FRMPD4: variants seen among roughly 807,000 people sequenced by gnomAD.
FRMPD4 encodes FERM and PDZ domain containing 4.
A neutral mutation model predicts 94.1 loss-of-function variants in FRMPD4; 22 were observed. That is an observed-to-expected ratio of 0.23 (90% confidence interval 0.17 to 0.33). The LOEUF (loss-of-function observed/expected upper bound fraction) is 0.33. Among genes scored for constraint, FRMPD4 ranks in the 10% least tolerant of loss-of-function variants. The pLI, the probability that FRMPD4 is intolerant of heterozygous loss-of-function variation, is 1.00. For missense variants in FRMPD4, 1,111 were observed against 1,339.9 expected (o/e 0.83, Z 2.67); for synonymous variants, 631 against 548.6 (o/e 1.15, Z -2.10).
upstream of FRMPD4, among the ~76,000 whole-genome samples, chrX:12,134,441 G>A (rs857350): frequency 0.11 from 11,935 of 111,605 alleles, 583 homozygotes; most frequent in African/African-American, 0.18. Flanking sequence ...TGGATACCTT[G>A]CTGTTATTTA....
At chrX:12,379,219 G>A (rs2056285247) in intron 1 of FRMPD4, among the ~76,000 whole-genome samples, 1 of 112,191 alleles carries the variant, frequency 8.9e-6, no homozygotes, top group African/African-American at 3.2e-5. Context: ...TTTAAATCAA[G>A]ACTCTCTGAA....
At chrX:12,562,332 C>G (rs1234988355) in intron 2 of FRMPD4, among the ~76,000 whole-genome samples, 1 of 112,373 alleles carries the variant, frequency 8.9e-6, no homozygotes, top group Non-Finnish European at 1.9e-5. Context: ...TATAGTCAGC[C>G]TTTGTGAATA....
At chrX:12,529,804 G>A (rs191431876) in intron 2 of FRMPD4, among the ~76,000 whole-genome samples, 2 of 109,419 alleles carry the variant, frequency 1.8e-5, no homozygotes, top group East Asian at 5.7e-4. Context: ...GTCTATTCAG[G>A]AGGCTGGGAA....
At chrX:11,960,788 A>G (rs1273789292) in intron 3 of FRMPD4, among the ~76,000 whole-genome samples, 2 of 112,087 alleles carry the variant, frequency 1.8e-5, no homozygotes, top group Non-Finnish European at 3.8e-5. Context: ...GGTTCTATTC[A>G]TTTTTATATC....
intron 1 of FRMPD4, among the ~76,000 whole-genome samples, chrX:12,482,590 G>T (rs5935357): frequency 0.12 from 13,804 of 111,233 alleles, 733 homozygotes; most frequent in South Asian, 0.16. Flanking sequence ...ACCTGACTTT[G>T]CCCCAAGGGT....
At chrX:12,117,606 A>G (rs2055420350) in intron 3 of FRMPD4, among the ~76,000 whole-genome samples, 1 of 111,627 alleles carries the variant, frequency 9.0e-6, no homozygotes, top group Admixed American at 9.5e-5. Context: ...CAAATATGAT[A>G]CCAACTGGCT....
At chrX:12,439,877 G>T (rs188952809) in intron 1 of FRMPD4, among the ~76,000 whole-genome samples, 2 of 111,794 alleles carry the variant, frequency 1.8e-5, no homozygotes, top group East Asian at 5.6e-4. Flanking sequence ...TTAGTTTGAT[G>T]ACTTGACCTT....
At chrX:12,157,722 G>A (rs1198741368) in intron 1 of FRMPD4, among the ~76,000 whole-genome samples, 4 of 112,037 alleles carry the variant, frequency 3.6e-5, no homozygotes, top group African/African-American at 6.5e-5. Flanking sequence ...TTCCAAGATG[G>A]TCTCTGTCCT....
chrX:12,063,458 A>C (rs2054898687), intron 3 of FRMPD4, among the ~76,000 whole-genome samples: 1 of 112,915 alleles, frequency 8.9e-6, no homozygotes, highest in African/African-American at 3.2e-5. Context: ...AAATTTATCA[A>C]ATGCTTTTTA....
intron 3 of FRMPD4, among the ~76,000 whole-genome samples, chrX:11,901,121 GT>G (rs2053934993): frequency 8.9e-6 from 1 of 111,802 alleles, no homozygotes; most frequent in African/African-American, 3.3e-5. Flanking sequence ...TATTTCAATA[GT>G]TTTGGGGGTA....
intron 1 of FRMPD4, among the ~76,000 whole-genome samples, chrX:12,437,171 C>A (rs913463019): frequency 1.8e-5 from 2 of 110,933 alleles, no homozygotes; most frequent in Admixed American, 1.9e-4. Context: ...TATTAACAAG[C>A]TTGCTATAAT....
At chrX:12,253,901 A>G (rs2054079513) in intron 1 of FRMPD4, among the ~76,000 whole-genome samples, 1 of 111,763 alleles carries the variant, frequency 8.9e-6, no homozygotes, top group Non-Finnish European at 1.9e-5. Flanking sequence ...CATGAGATGT[A>G]AATAATGTTT....
chrX:11,822,984 C>A (rs1002310373), intron 1 of FRMPD4, among the ~76,000 whole-genome samples: 1 of 111,519 alleles, frequency 9.0e-6, no homozygotes, highest in Non-Finnish European at 1.9e-5. Flanking sequence ...AGACTGGCTA[C>A]GTCCCGACTA....
chrX:12,650,416 A>C (rs777718878), intron 4 of FRMPD4, among the ~76,000 whole-genome samples: 6 of 107,051 alleles, frequency 5.6e-5, no homozygotes, highest in Non-Finnish European at 9.9e-5. Context: ...GTCTATCCAC[A>C]AAGTCTAGAA....
At chrX:12,710,783 G>A (rs1450994384) in intron 14 of FRMPD4, among the ~76,000 whole-genome samples, 4 of 110,874 alleles carry the variant, frequency 3.6e-5, no homozygotes, top group Non-Finnish European at 7.6e-5. Flanking sequence ...GCACGCACCT[G>A]TAATCTCAGC....
At chrX:11,949,708 T>C (rs2054210159) in intron 3 of FRMPD4, among the ~76,000 whole-genome samples, 2 of 111,302 alleles carry the variant, frequency 1.8e-5, no homozygotes, top group Admixed American at 1.9e-4. Context: ...GTTGCTTCAA[T>C]AGGTGGTGAT....
intron 4 of FRMPD4, among the ~76,000 whole-genome samples, chrX:12,648,062 C>T (rs2059563918): frequency 9.0e-6 from 1 of 111,603 alleles, no homozygotes; most frequent in African/African-American, 3.3e-5. Flanking sequence ...CAGCCAAGCA[C>T]TCCTGATCTC....
intron 1 of FRMPD4, among the ~76,000 whole-genome samples, chrX:12,376,259 C>T (rs774861371): frequency 2.7e-5 from 3 of 112,295 alleles, no homozygotes; most frequent in Admixed American, 9.3e-5. Context: ...TTCGATTGTC[C>T]AGGCTCCCTG....
At chrX:12,067,025 A>G (rs1014690706) in intron 3 of FRMPD4, among the ~76,000 whole-genome samples, 5 of 109,703 alleles carry the variant, frequency 4.6e-5, no homozygotes, top group Non-Finnish European at 7.6e-5. Context: ...GTGCACCACC[A>G]TGCCCAGCTA....
Sources: gnomAD v4.1 joint callset for allele counts (sites outside exome capture counted in the v4.1 genomes callset) on GRCh38, gnomAD v4.1.1 for gene constraint, MANE v1.5 for transcripts, NCBI Gene and HGNC (gene_info 2026-07-23, HGNC 2026-07-21) for gene names.